The following MLXIP variants were observed in gnomAD, a reference collection of about 807,000 sequenced individuals.
MLXIP encodes the protein MLX-interacting protein.
In MLXIP, 30 loss-of-function variants were observed where a neutral mutation model predicts 87.2. The ratio of observed to expected loss-of-function variants is 0.34; its 90% confidence interval spans 0.26 to 0.47. The LOEUF (loss-of-function observed/expected upper bound fraction) is 0.47. MLXIP is among the 20% of genes least tolerant of loss of function. MLXIP has a pLI of 1.00. For synonymous variants in MLXIP, 530 were observed against 514.0 expected, an observed-to-expected ratio of 1.03 and a Z score of -0.42; for missense variants, 1,002 against 1,240.1, an observed-to-expected ratio of 0.81 and a Z score of 2.88.
intron 1 of MLXIP, among the ~76,000 whole-genome samples, chr12:122,122,090 G>C (rs1360021556): frequency 6.6e-6 from 1 of 152,208 alleles, no homozygotes; most frequent in Non-Finnish European, 1.5e-5. Flanking sequence ...GGGTTCAGGA[G>C]GTGGAGGCCA....
chr12:122,129,254 C>T (rs745850308), intron 4 of MLXIP, 28 bp downstream of exon 4: 87 of 1,572,296 alleles, frequency 5.5e-5, no homozygotes, highest in Admixed American at 4.5e-4. Flanking sequence ...TCAGGCAGCC[C>T]GCCTAGGGAG....
At chr12:122,097,215 G>C (rs1198786987) in intron 1 of MLXIP, among the ~76,000 whole-genome samples, 1 of 152,138 alleles carries the variant, frequency 6.6e-6, no homozygotes, top group Admixed American at 6.6e-5. Flanking sequence ...ACCCAGGCTG[G>C]AGTGCAATGG....
chr12:122,114,356 A>G (rs976556467), intron 1 of MLXIP, among the ~76,000 whole-genome samples: 2 of 152,232 alleles, frequency 1.3e-5, no homozygotes, highest in Non-Finnish European at 2.9e-5. Context: ...TCAATAATTC[A>G]CTAGAAAAAC....
At chr12:122,082,760 A>G (rs918432740) in intron 1 of MLXIP, among the ~76,000 whole-genome samples, 3 of 152,236 alleles carry the variant, frequency 2.0e-5, no homozygotes, top group African/African-American at 7.2e-5. Flanking sequence ...ACTGTAGAAC[A>G]TAGTTCATGG....
chr12:122,094,445 C>T (rs1398711620), intron 1 of MLXIP, among the ~76,000 whole-genome samples: 158 of 102,108 alleles, frequency 1.5e-3, no homozygotes, highest in African/African-American at 6.1e-3. Flanking sequence ...TATGCGGTGT[C>T]TGGTGTGGTA....
chr12:122,136,575 G>C (rs1953097334), intron 11 of MLXIP: 1 of 152,160 alleles, frequency 6.6e-6, no homozygotes, highest in Non-Finnish European at 1.5e-5. Flanking sequence ...GTTGAAGTGA[G>C]CTGAGATCGA....
intron 1 of MLXIP, among the ~76,000 whole-genome samples, chr12:122,090,496 CA>C (rs374603278): frequency 0.53 from 73,321 of 139,512 alleles, 18,417 homozygotes; most frequent in Middle Eastern, 0.68. Flanking sequence ...GACTCTGTCT[CA>C]AAAAAAAAAA....
intron 1 of MLXIP, among the ~76,000 whole-genome samples, chr12:122,117,084 C>G (rs1490364619): frequency 6.6e-6 from 1 of 152,154 alleles, no homozygotes; most frequent in Non-Finnish European, 1.5e-5. Flanking sequence ...AAACATACAC[C>G]CTCACAAACA....
intron 1 of MLXIP, among the ~76,000 whole-genome samples, chr12:122,109,686 C>T (rs886312799): frequency 2.0e-5 from 3 of 152,174 alleles, no homozygotes; most frequent in Non-Finnish European, 4.4e-5. Flanking sequence ...AACTCTTCTG[C>T]CCATCCCAAA....
rs761317330 is a variant in MLXIP, at chr12:122,133,698, G to A, written c.1443G>A (p.Pro481=). ...AGTTTGCTGGAGTCAACAAAGCGCC[G>A]TCTGTCATCACCCACACGGCCTCTG... ...PQKFAGVNKA[P]SVITHTASAT... Residue 481 remains proline, a synonymous_variant, in exon 9 of 17, where the codon CCG becomes CCA. Coordinates refer to ENST00000319080, the MANE Select transcript of MLXIP (RefSeq NM_014938.6). The surrounding 1 kb of genome is among the most constrained non-coding windows in gnomAD (Gnocchi z 4.9). 4.1e-5 allele frequency: 66 copies of A among 1,613,472 alleles called. No homozygotes were observed. Among genetic ancestry groups the A allele is most frequent in the Middle Eastern group, 1.6e-4 (1 of 6,062 alleles).
intron 1 of MLXIP, among the ~76,000 whole-genome samples, chr12:122,113,931 C>T (rs1201400175): frequency 2.0e-5 from 3 of 151,178 alleles, no homozygotes; most frequent in South Asian, 2.1e-4. Context: ...GTGATCCGCC[C>T]GCCTCGGCCT....
intron 4 of MLXIP, 126 bp downstream of exon 4, chr12:122,129,352 A>T (rs1477194131): frequency 4.5e-5 from 44 of 985,056 alleles, no homozygotes; most frequent in Non-Finnish European, 6.7e-5. Context: ...TCAAGCAGTA[A>T]ATCTGGGGCC....
chr12:122,103,244 A>G (rs1392793452), intron 1 of MLXIP, among the ~76,000 whole-genome samples: 1 of 150,312 alleles, frequency 6.7e-6, no homozygotes, highest in Admixed American at 6.7e-5. Context: ...TTTATTTTTG[A>G]GGCAGAGTTT....
At position 122,133,872 on chromosome 12, in the gene MLXIP, G is replaced by A; in HGVS notation, c.1617G>A (p.Val539=). The A allele has an allele frequency of 6.2e-7, 1 of 1,612,464 alleles. No individual in the cohort carries two copies. The highest frequency in any genetic ancestry group is 8.5e-7 in the Non-Finnish European group (1 of 1,179,398). The part of the protein sequence containing the change: ...TRPPQPRLTF[V]HPKPVSLTGG... Reference sequence around the variant, plus strand: ...CTCCCCAGCCACGGTTAACTTTTGTGCACCCCAAACCTGTATCCTTGACTG... The same window carrying A: ...CTCCCCAGCCACGGTTAACTTTTGTACACCCCAAACCTGTATCCTTGACTG... Residue 539 remains valine, a synonymous_variant, in exon 9 of 17, where the codon GTG becomes GTA. Coordinates refer to ENST00000319080, the MANE Select transcript of MLXIP (RefSeq NM_014938.6). The surrounding 1 kb of genome is among the most constrained non-coding windows in gnomAD (Gnocchi z 4.9).
rs1398332883 is a variant in MLXIP at position 122,146,602 on chromosome 12, T to C, written c.*4790T>C. 1 of 148,066 alleles carries C rather than the reference T, an allele frequency of 6.8e-6. No homozygotes were observed. Among genetic ancestry groups the C allele is most frequent in the African/African-American group, 2.5e-5 (1 of 40,308 alleles). 9.2% of individuals were successfully genotyped at this position (148,066 alleles called of 1,614,324 possible). The stretch of plus-strand genomic sequence containing the variant: ...AGAAAAGGGAACTCTTCACGTTGAA[T>C]GTTGACTTTGTGTGTATGCGTGTGT... On this transcript the variant is annotated 3_prime_UTR_variant, in exon 17 of 17. Transcript: ENST00000319080.
chr12:122,089,832 G>T (rs528944802), intron 1 of MLXIP, among the ~76,000 whole-genome samples: 1 of 152,250 alleles, frequency 6.6e-6, no homozygotes, highest in South Asian at 2.1e-4. Context: ...TTGTTATTCG[G>T]GTATTGACTT....
intron 1 of MLXIP, among the ~76,000 whole-genome samples, chr12:122,084,763 G>T (rs945180635): frequency 6.6e-6 from 1 of 152,066 alleles, no homozygotes; most frequent in African/African-American, 2.4e-5. Flanking sequence ...GGCCAGGCTG[G>T]TCTCAAACTC....
chr12:122,133,145 TAGTTTTTAATGGAAACA>T lies in MLXIP; in HGVS notation c.1093-200_1093-184del. On this transcript the variant is annotated intron_variant, in intron 8 of 16. Transcript: ENST00000319080. This position sits in a 1 kb window ranked among gnomAD's most constrained non-coding sequence, Gnocchi z 4.9. ...TGCCTTATCTGAGCTCTGAGTTATT[TAGTTTTTAATGGAAACA>T]AGACCCCCGCAGACACGCAGGGAAA... The T allele has an allele frequency of 1.9e-6, 1 of 522,606 alleles. No homozygotes were observed. The highest frequency in any genetic ancestry group is 3.2e-6 in the Non-Finnish European group (1 of 310,218). The allele number at this position is 522,606 out of a possible 1,614,324, so 32.4% of individuals were successfully genotyped here.
chr12:122,090,102 T>C (rs1318721284), intron 1 of MLXIP, among the ~76,000 whole-genome samples: 1 of 152,150 alleles, frequency 6.6e-6, no homozygotes, highest in African/African-American at 2.4e-5. Flanking sequence ...TTGAAAGATA[T>C]TACCTTAGGA....
Sources: gnomAD v4.1 joint callset for allele counts (sites outside exome capture counted in the v4.1 genomes callset) on GRCh38, gnomAD v4.1.1 for gene constraint, Gnocchi (gnomAD v3.1) non-coding constraint, MANE v1.5 for transcripts, NCBI Gene and HGNC (gene_info 2026-07-23, HGNC 2026-07-21) for gene names.